PDE10A: variants seen among roughly 807,000 people sequenced by gnomAD.
PDE10A encodes the protein phosphodiesterase 10A.
PDE10A carries 39 observed loss-of-function variants against 97.7 expected under a neutral mutation model. That is an observed-to-expected ratio of 0.40 (90% CI 0.31 to 0.52). PDE10A has a LOEUF of 0.52. PDE10A is among the 20% of genes least tolerant of loss of function. The pLI is 0.56. For synonymous variants in PDE10A, 371 were observed against 376.8 expected (o/e 0.98, Z 0.18); for missense variants, 731 against 1,047.8 (o/e 0.70, Z 4.17).
intron 3 of PDE10A, among the ~76,000 whole-genome samples, chr6:165,454,677 G>A (rs963543729): frequency 1.2e-4 from 18 of 151,852 alleles, no homozygotes; most frequent in African/African-American, 4.1e-4. Flanking sequence ...CTTGACCTTG[G>A]GCTTCTCTGT....
At chr6:165,440,716 CTCA>C (rs1790381178) in intron 5 of PDE10A, among the ~76,000 whole-genome samples, 2 of 151,916 alleles carry the variant, frequency 1.3e-5, no homozygotes, top group Non-Finnish European at 2.9e-5. Context: ...CATCTAGTTG[CTCA>C]TGTTTATAAA....
intron 1 of PDE10A, among the ~76,000 whole-genome samples, chr6:165,674,931 TTCTC>T (rs563827236): frequency 5.0e-4 from 76 of 152,268 alleles, no homozygotes; most frequent in African/African-American, 1.6e-3. Flanking sequence ...GACTCCACAC[TTCTC>T]TCTGAGTCAT....
At chr6:165,835,580 T>G (rs7741397) in intron 1 of PDE10A, among the ~76,000 whole-genome samples, 10 of 152,158 alleles carry the variant, frequency 6.6e-5, no homozygotes, top group African/African-American at 2.4e-4. Context: ...CCTTGTAGGA[T>G]TGGGGCTGAT....
intron 1 of PDE10A, among the ~76,000 whole-genome samples, chr6:165,761,684 T>G (rs1793254759): frequency 6.6e-6 from 1 of 152,156 alleles, no homozygotes; most frequent in Admixed American, 6.6e-5. Flanking sequence ...CTTAGTGTTT[T>G]TATGCAAATA....
chr6:165,710,425 T>C (rs1791865998), intron 1 of PDE10A, among the ~76,000 whole-genome samples: 1 of 152,196 alleles, frequency 6.6e-6, no homozygotes, highest in African/African-American at 2.4e-5. Flanking sequence ...TTTTTGTGAA[T>C]ATATAAAAAC....
In PDE10A at chr6:165,361,205, G is replaced by C. The variant is rs571874277; in HGVS notation, c.2784-17703C>G. Among the ~76,000 whole-genome samples the C allele has an allele frequency of 1.2e-4, 18 of 152,158 alleles. 1 individual carries two copies. The East Asian group carries it at 3.5e-3, about 29-fold the overall frequency. ...AAGCAGTACAGAAATCAATAAACAG[G>C]CCTAAAAGACATGTACAGAGCACTC... On this transcript the variant is annotated intron_variant, in intron 18 of 21. Transcript: ENST00000539869.
chr6:165,447,017 A>C (rs1313852091), intron 5 of PDE10A, among the ~76,000 whole-genome samples: 3 of 152,196 alleles, frequency 2.0e-5, no homozygotes, highest in African/African-American at 7.2e-5. Context: ...TAGATATTGT[A>C]GATAGAAAAG....
rs74422571 is a variant in PDE10A, at chr6:165,426,590, A to G, written c.1653+2068T>C. Among the ~76,000 whole-genome samples, 569 of 152,328 alleles carry G rather than the reference A, an allele frequency of 3.7e-3. 2 individuals are homozygous for G. Among genetic ancestry groups the G allele is most frequent in the African/African-American group, 0.013 (549 of 41,578 alleles). ...TTGGCTTAGATATAAAACCAAAAGC[A>G]TAAACAGCAAAAGAAAACAATAGCT... On this transcript the variant is annotated intron_variant, in intron 10 of 21. Coordinates refer to ENST00000539869, the MANE Select transcript of PDE10A (RefSeq NM_001385079.1).
intron 2 of PDE10A, among the ~76,000 whole-genome samples, chr6:165,528,659 ACCAT>A (rs1003751196): frequency 9.9e-5 from 15 of 152,178 alleles, no homozygotes; most frequent in African/African-American, 3.4e-4. Context: ...TGCTTTATCC[ACCAT>A]CATGGTAATC....
chr6:165,976,123 T>C (rs1321682520), intron 1 of PDE10A, among the ~76,000 whole-genome samples: 1 of 152,246 alleles, frequency 6.6e-6, no homozygotes, highest in African/African-American at 2.4e-5. Flanking sequence ...TAGATTTTTC[T>C]TGTATGCCAT....
chr6:165,451,577 C>T (rs1791294906), intron 3 of PDE10A, among the ~76,000 whole-genome samples: 1 of 152,216 alleles, frequency 6.6e-6, no homozygotes, highest in Non-Finnish European at 1.5e-5. Flanking sequence ...CCCTCACTGT[C>T]ACAACCCTGG....
chr6:165,820,868 G>A (rs942493460), intron 1 of PDE10A, among the ~76,000 whole-genome samples: 1 of 152,194 alleles, frequency 6.6e-6, no homozygotes, highest in Non-Finnish European at 1.5e-5. Context: ...GGTACAAATC[G>A]TTGGCAGCTC....
At chr6:165,399,732 A>G (rs1279528275) in intron 13 of PDE10A, among the ~76,000 whole-genome samples, 1 of 152,160 alleles carries the variant, frequency 6.6e-6, no homozygotes, top group Non-Finnish European at 1.5e-5. Context: ...AGCTTCATCC[A>G]TGTCCCTACA....
At chr6:165,373,529 A>C (rs62442142) in intron 18 of PDE10A, among the ~76,000 whole-genome samples, 33,312 of 152,082 alleles carry the variant, frequency 0.22, 3,965 homozygotes, top group African/African-American at 0.28. Flanking sequence ...AACCACAATG[A>C]GATACCATCT....
intron 1 of PDE10A, among the ~76,000 whole-genome samples, chr6:165,902,790 C>T (rs1435280947): frequency 6.6e-6 from 1 of 152,236 alleles, no homozygotes; most frequent in Non-Finnish European, 1.5e-5. Flanking sequence ...CTTCTCCACA[C>T]TCATCATCCT....
rs767456622 is a variant in PDE10A at position 165,913,933 on chromosome 6, C to T, written c.-615+73596G>A. Among the ~76,000 whole-genome samples, 36 of 152,316 alleles carry T rather than the reference C, an allele frequency of 2.4e-4. No individual in the cohort carries two copies. The Middle Eastern group carries it at 0.01, about 43-fold the overall frequency. On this transcript the variant is annotated intron_variant, in intron 1 of 19. Transcript: ENST00000366882. The stretch of plus-strand genomic sequence containing the variant: ...TTCTCCTAACAACTCTGACTTCACG[C>T]GGCCTCCACAAGTTCCAGGACATAA...
intron 1 of PDE10A, chr6:165,660,262 C>T (rs931679216): frequency 1.6e-4 from 25 of 152,438 alleles, no homozygotes; most frequent in African/African-American, 6.0e-4. Flanking sequence ...CTTCTACTGA[C>T]CACATCTCTG....
At chr6:165,604,247 G>A (rs536382498) in intron 1 of PDE10A, among the ~76,000 whole-genome samples, 3 of 152,234 alleles carry the variant, frequency 2.0e-5, no homozygotes, top group East Asian at 1.9e-4. Flanking sequence ...GGGAGGTTAC[G>A]GACCATTGTA....
intron 1 of PDE10A, among the ~76,000 whole-genome samples, chr6:165,789,885 G>C (rs1343508460): frequency 6.6e-6 from 1 of 152,070 alleles, no homozygotes; most frequent in African/African-American, 2.4e-5. Flanking sequence ...TTTGACCCTG[G>C]TAATTTAAAC....
Sources: gnomAD v4.1 joint callset for allele counts (sites outside exome capture counted in the v4.1 genomes callset) on GRCh38, gnomAD v4.1.1 for gene constraint, MANE v1.5 for transcripts, NCBI Gene and HGNC (gene_info 2026-07-23, HGNC 2026-07-21) for gene names.